The following KMT5C variants were observed in gnomAD, a reference collection of about 807,000 sequenced individuals.
KMT5C encodes the protein lysine methyltransferase 5C, also known as histone-lysine N-methyltransferase KMT5C.
A neutral mutation model predicts 38.2 loss-of-function variants in KMT5C; 16 were observed. The ratio of observed to expected loss-of-function variants is 0.42; its 90% CI spans 0.28 to 0.64. KMT5C has a LOEUF of 0.64. Among genes scored for constraint, KMT5C ranks in the 30% least tolerant of loss-of-function variants. The pLI, the probability that KMT5C is intolerant of heterozygous loss-of-function variation, is 0.23. For missense variants in KMT5C, 598 were observed against 665.1 expected, an observed-to-expected ratio of 0.90 and a Z score of 1.11; for synonymous variants, 291 against 279.0, an observed-to-expected ratio of 1.04 and a Z score of -0.43.
chr19:55,343,606 G>A lies in KMT5C; in HGVS notation c.387-74G>A, dbSNP rs377585647. 1.8e-3 allele frequency: 2,653 copies of A among 1,466,356 alleles called. 26 individuals are homozygous for A. In the Middle Eastern group the frequency reaches 0.022, roughly 12 times the overall value. The allele number at this position is 1,466,356 out of a possible 1,614,324, so 90.8% of individuals were successfully genotyped here. On this transcript the variant is annotated intron_variant, in intron 4 of 8. Coordinates refer to ENST00000255613, the MANE Select transcript of KMT5C (RefSeq NM_032701.4). The surrounding 1 kb of genome is among the most constrained non-coding windows in gnomAD (Gnocchi z 5.5). ...CCTCCTTCCTGGGTGCCTCTGTGCC[G>A]GAGGCCCGAGTCCCCTGAACACCTG...
At position 55,341,862 on chromosome 19, in the gene KMT5C, G is replaced by C; in HGVS notation, c.-75G>C. ...AGCGTGGGAGTGGAGTCAGCACCAA[G>C]CCAGGCTCCCCGCGCCTGCCTTGCC... On this transcript the variant is annotated 5_prime_UTR_variant, in exon 2 of 9. Transcript: ENST00000255613. The C allele has an allele frequency of 8.4e-7, 1 of 1,185,568 alleles. No homozygotes were observed. The highest frequency in any genetic ancestry group is 1.3e-6 in the Non-Finnish European group (1 of 797,400). 73.4% of individuals were successfully genotyped at this position (1,185,568 alleles called of 1,614,324 possible). A position where few individuals can be genotyped will look rare whatever the true frequency, so the allele number is the denominator to read the frequency against.
rs186166199 is a variant in KMT5C at position 55,343,398 on chromosome 19, G to A, written c.387-282G>A. On this transcript the variant is annotated intron_variant, in intron 4 of 8. Transcript: ENST00000255613. This position sits in a 1 kb window ranked among gnomAD's most constrained non-coding sequence, Gnocchi z 5.5. Reference sequence around the variant, plus strand: ...GGCAGGAGGGATTTGGGGGCAGGAGGTGCTATGAGAGCGAGGGGAGAGAAT... The same window carrying A: ...GGCAGGAGGGATTTGGGGGCAGGAGATGCTATGAGAGCGAGGGGAGAGAAT... 4.1e-6 allele frequency: 2 copies of A among 485,958 alleles called. No individual in the cohort carries two copies. The highest frequency in any genetic ancestry group is 7.5e-6 in the Non-Finnish European group (2 of 266,810). 30.1% of individuals were successfully genotyped at this position (485,958 alleles called of 1,614,324 possible). A position where few individuals can be genotyped will look rare whatever the true frequency, so the allele number is the denominator to read the frequency against.
intron 8 of KMT5C, 49 bp from the exon 9 acceptor site, chr19:55,346,907 C>T (rs1199126091): frequency 5.0e-6 from 4 of 798,232 alleles, no homozygotes; most frequent in South Asian, 1.5e-5. Context: ...CTTGCACTGA[C>T]TTCACCTCTC....
At chr19:55,346,099 G>A in intron 6 of KMT5C, 114 bp from the exon 7 acceptor site, 1 of 1,300,342 alleles carries the variant, frequency 7.7e-7, no homozygotes, top group Non-Finnish European at 1.1e-6. Flanking sequence ...GGGCTCAGCT[G>A]TTGCCCCATT....
At chr19:55,342,092 C>G (rs755963297) in intron 2 of KMT5C, 46 bp downstream of exon 2, 2 of 1,577,202 alleles carry the variant, frequency 1.3e-6, no homozygotes, top group Non-Finnish European at 1.7e-6. Flanking sequence ...GTCAGGACCC[C>G]TCCCCTTGCA....
intron 6 of KMT5C, chr19:55,344,696 C>A: frequency 1.9e-6 from 1 of 520,606 alleles, no homozygotes; most frequent in South Asian, 1.4e-5. Flanking sequence ...CAGAGAGCCC[C>A]AGGGGCCAGG....
In KMT5C at chr19:55,347,661, A is replaced by C; in HGVS notation, c.*212A>C. Reference sequence around the variant, plus strand: ...ACCCCTGAGCCACCCCCACTCCCACAGGGAGCCCCGGCCATTTGCTGCCCT... The same window carrying C: ...ACCCCTGAGCCACCCCCACTCCCACCGGGAGCCCCGGCCATTTGCTGCCCT... On this transcript the variant is annotated 3_prime_UTR_variant, in exon 9 of 9. Coordinates refer to ENST00000255613, the MANE Select transcript of KMT5C (RefSeq NM_032701.4). This position sits in a 1 kb window ranked among gnomAD's most constrained non-coding sequence, Gnocchi z 4.6. The C allele has an allele frequency of 4.0e-6, 3 of 743,150 alleles. No homozygotes were observed. The highest frequency in any genetic ancestry group is 5.7e-5 in the South Asian group (2 of 35,342). 46.0% of individuals were successfully genotyped at this position (743,150 alleles called of 1,614,324 possible). A position where few individuals can be genotyped will look rare whatever the true frequency, so the allele number is the denominator to read the frequency against.
At position 55,341,896 on chromosome 19, in the gene KMT5C, C is replaced by T. The variant is rs2089561251; in HGVS notation, c.-41C>T. 1.3e-6 allele frequency: 2 copies of T among 1,543,646 alleles called. No homozygotes were observed. The highest frequency in any genetic ancestry group is 2.2e-5 in the East Asian group (1 of 44,548). On this transcript the variant is annotated 5_prime_UTR_variant, in exon 2 of 9. Transcript: ENST00000255613. ...CCCGCGCCTGCCTTGCCCTCACCTG[C>T]TCCTGCTCTCTGCCAGAGGCAGCAT...
chr19:55,347,639 C>A lies in KMT5C; in HGVS notation c.*190C>A. ...CCCTGACCCTTTGTGACTGCTGACCCCTGAGCCACCCCCACTCCCACAGGG... is the reference window on the plus strand; with the variant it reads ...CCCTGACCCTTTGTGACTGCTGACCACTGAGCCACCCCCACTCCCACAGGG... On this transcript the variant is annotated 3_prime_UTR_variant, in exon 9 of 9. Transcript: ENST00000255613. This position sits in a 1 kb window ranked among gnomAD's most constrained non-coding sequence, Gnocchi z 4.6. 1.1e-6 allele frequency: 1 copy of A among 919,086 alleles called. No individual in the cohort carries two copies. 56.9% of individuals were successfully genotyped at this position (919,086 alleles called of 1,614,324 possible). A position where few individuals can be genotyped will look rare whatever the true frequency, so the allele number is the denominator to read the frequency against.
intron 6 of KMT5C, chr19:55,344,754 T>C: frequency 1.9e-6 from 1 of 527,952 alleles, no homozygotes; most frequent in South Asian, 1.4e-5. Flanking sequence ...CTGGTTGTCC[T>C]GTAGCCCGGA....
chr19:55,341,429 G>A (rs947178031), intron 1 of KMT5C, among the ~76,000 whole-genome samples: 1 of 152,214 alleles, frequency 6.6e-6, no homozygotes, highest in Non-Finnish European at 1.5e-5. Context: ...TCGGGCTGGC[G>A]GGAAGCTTTG....
Position 55,343,656 on chromosome 19 carries a change from C to A in KMT5C, c.387-24C>A. On this transcript the variant is annotated intron_variant, in intron 4 of 8. Coordinates refer to ENST00000255613, the MANE Select transcript of KMT5C (RefSeq NM_032701.4). The surrounding 1 kb of genome is among the most constrained non-coding windows in gnomAD (Gnocchi z 5.5). ...GCAGGAGGCCAGGCATCGCCCACAG[C>A]CCTGCCCCCTGGCCTCTTGGCAGGA... The A allele has an allele frequency of 6.5e-7, 1 of 1,550,120 alleles. No homozygotes were observed. Among genetic ancestry groups the A allele is most frequent in the Non-Finnish European group, 8.7e-7 (1 of 1,146,874 alleles).
rs1384807916 is a variant in KMT5C, at chr19:55,342,737, A to G, written c.277-5A>G. On this transcript the variant is annotated splice_polypyrimidine_tract_variant and splice_region_variant and intron_variant, in intron 3 of 8. Transcript: ENST00000255613. ...CCTCCTCACCCCCACCCTCACCCTC[A>G]CCAGGTCTATCGCTACCTCCGTGCC... 3 of 1,556,618 alleles carry G rather than the reference A, an allele frequency of 1.9e-6. No individual in the cohort carries two copies. Among genetic ancestry groups the G allele is most frequent in the Non-Finnish European group, 2.7e-6 (3 of 1,128,610 alleles).
intron 6 of KMT5C, chr19:55,345,139 C>A (rs1287323205): frequency 2.2e-6 from 1 of 448,328 alleles, no homozygotes; most frequent in Non-Finnish European, 4.5e-6. Flanking sequence ...GCGGCCAGCT[C>A]TCCAGCGATC....
In KMT5C at chr19:55,346,303, T is replaced by G; in HGVS notation, c.661T>G (p.Phe221Val). Residue 221 changes from phenylalanine (F) to valine (V), a missense_variant, in exon 7 of 9, where the codon TTC becomes GTC. By Grantham distance (50) the Phe-to-Val change is conservative (BLOSUM62 -1). This residue lies in a region of KMT5C where 105 missense variants were observed against 179.2 expected (regional missense o/e 0.59). Transcript: ENST00000255613. The part of the protein sequence containing the change: ...DEVTCFYGEG[F>V]FGEKNEHCEC... The stretch of plus-strand genomic sequence containing the variant: ...GGTGACATGCTTCTACGGCGAGGGC[T>G]TCTTCGGCGAGAAGAATGAGCACTG... 1 of 1,614,068 alleles carries G rather than the reference T, an allele frequency of 6.2e-7. No individual in the cohort carries two copies. Among genetic ancestry groups the G allele is most frequent in the Non-Finnish European group, 8.5e-7 (1 of 1,179,960 alleles).
In KMT5C at chr19:55,343,120, T is replaced by C; in HGVS notation, c.386+269T>C. ...TGGTCAGGGCCGTGCTGTCCTTACC[T>C]CCTTGTGACCTGAGCCCCCACCACA... On this transcript the variant is annotated intron_variant, in intron 4 of 8. Transcript: ENST00000255613. The surrounding 1 kb of genome is among the most constrained non-coding windows in gnomAD (Gnocchi z 5.5). The C allele has an allele frequency of 2.5e-6, 1 of 402,674 alleles. No individual in the cohort carries two copies. Among genetic ancestry groups the C allele is most frequent in the South Asian group, 2.8e-5 (1 of 35,376 alleles). 24.9% of individuals were successfully genotyped at this position (402,674 alleles called of 1,614,324 possible). A position where few individuals can be genotyped will look rare whatever the true frequency, so the allele number is the denominator to read the frequency against.
chr19:55,344,003 G>A lies in KMT5C; in HGVS notation c.570+6G>A. 5 of 1,611,272 alleles carry A rather than the reference G, an allele frequency of 3.1e-6. No homozygotes were observed. The South Asian group carries it at 3.3e-5, about 11-fold the overall frequency. Reference sequence around the variant, plus strand: ...ACTGCAAACCCAACTGCAAGGTAAGGCCTTGGGACTCGGGAGGAGAGGGCA... The same window carrying A: ...ACTGCAAACCCAACTGCAAGGTAAGACCTTGGGACTCGGGAGGAGAGGGCA... On this transcript the variant is annotated splice_donor_region_variant and intron_variant, in intron 6 of 8. Coordinates refer to ENST00000255613, the MANE Select transcript of KMT5C (RefSeq NM_032701.4).
chr19:55,340,779 C>T (rs1212243325), intron 1 of KMT5C, among the ~76,000 whole-genome samples: 3 of 151,932 alleles, frequency 2.0e-5, no homozygotes, highest in Non-Finnish European at 4.4e-5. Context: ...CCCTGGCACC[C>T]CCATCCCTTC....
rs137883545 is a variant in KMT5C at position 55,343,800 on chromosome 19, G to C, written c.507G>C (p.Arg169=). 30 of 1,613,648 alleles carry C rather than the reference G, an allele frequency of 1.9e-5. No individual in the cohort carries two copies. The South Asian group carries it at 2.9e-4, about 15-fold the overall frequency. ...DFSIMYSTRK[R]SAQLWLGPAA... The stretch of plus-strand genomic sequence containing the variant: ...GCATCATGTACTCAACCCGCAAGCG[G>C]AGTGCTCAGCTGTGGCTGGGCCCAG... Residue 169 remains arginine, a synonymous_variant, in exon 5 of 9, where the codon CGG becomes CGC. Transcript: ENST00000255613. The surrounding 1 kb of genome is among the most constrained non-coding windows in gnomAD (Gnocchi z 5.5).
Sources: allele counts gnomAD v4.1 joint callset (sites outside exome capture counted in the v4.1 genomes callset), GRCh38; gene constraint gnomAD v4.1.1; regional missense constraint gnomAD v4.1.1; non-coding constraint Gnocchi (gnomAD v3.1); transcripts MANE v1.5; gene names NCBI Gene and HGNC (gene_info 2026-07-23, HGNC 2026-07-21).